KSR1: variants seen among roughly 807,000 people sequenced by gnomAD.
KSR1 encodes kinase suppressor of ras 1.
KSR1 carries 35 observed loss-of-function variants against 92.9 expected under a neutral mutation model. That is an observed-to-expected ratio of 0.38 (90% confidence interval 0.29 to 0.50). The LOEUF (loss-of-function observed/expected upper bound fraction) is 0.50. Among genes scored for constraint, KSR1 ranks in the 20% least tolerant of loss-of-function variants. The pLI, the probability that KSR1 is intolerant of heterozygous loss-of-function variation, is 0.94. For synonymous variants in KSR1, 467 were observed against 472.6 expected (o/e 0.99, Z 0.15); for missense variants, 972 against 1,158.5 (o/e 0.84, Z 2.34).
chr17:27,579,911 A>AAAG (rs35343726), intron 3 of KSR1: 1 of 149,294 alleles, frequency 6.7e-6, no homozygotes, highest in Non-Finnish European at 1.5e-5. Context: ...AAAAAAAAAA[A>AAAG]GTGAGTGAAG....
chr17:27,541,155 A>G lies in KSR1; in HGVS notation c.232-9413A>G, dbSNP rs771287217. On this transcript the variant is annotated intron_variant, in intron 1 of 20. Coordinates refer to ENST00000644974, the MANE Select transcript of KSR1 (RefSeq NM_001394583.1). ...GCAAAGACTGCTGTGGGCACCACGT[A>G]AGAGTCTGGTGCTGCCTACTGAGGA... Among the ~76,000 whole-genome samples, 60 of 152,328 alleles carry G rather than the reference A, an allele frequency of 3.9e-4. No individual in the cohort carries two copies. In the South Asian group the frequency reaches 6.0e-3, roughly 15 times the overall value.
chr17:27,517,525 A>G (rs1215181142), intron 1 of KSR1, among the ~76,000 whole-genome samples: 1 of 152,174 alleles, frequency 6.6e-6, no homozygotes, highest in Non-Finnish European at 1.5e-5. Context: ...CCTGATTCTG[A>G]GCTCAAGCAA....
intron 1 of KSR1, among the ~76,000 whole-genome samples, chr17:27,518,538 C>T (rs1399152761): frequency 6.6e-6 from 1 of 152,204 alleles, no homozygotes; most frequent in East Asian, 1.9e-4. Flanking sequence ...CATTCATCAT[C>T]TGAGTGCCCC....
chr17:27,518,078 T>A (rs2151015030), intron 1 of KSR1, among the ~76,000 whole-genome samples: 1 of 152,286 alleles, frequency 6.6e-6, no homozygotes, highest in East Asian at 1.9e-4. Context: ...TCTCAGTGAG[T>A]GAAGACTTAA....
chr17:27,510,418 G>C (rs150901970), intron 1 of KSR1, among the ~76,000 whole-genome samples: 1 of 152,218 alleles, frequency 6.6e-6, no homozygotes, highest in Admixed American at 6.5e-5. Context: ...GTGAGTAGAC[G>C]TAAAAAGGCT....
intron 3 of KSR1, 38 bp from the exon 4 acceptor site, chr17:27,582,608 A>G: frequency 6.4e-7 from 1 of 1,561,140 alleles, no homozygotes; most frequent in South Asian, 1.2e-5. Context: ...AATTCCTTCC[A>G]GCCCTGACCA....
At chr17:27,621,320 C>G in intron 20 of KSR1, 47 bp downstream of exon 20, 1 of 398,668 alleles carries the variant, frequency 2.5e-6, no homozygotes, top group Non-Finnish European at 4.4e-6. Context: ...TCTGGTTTTC[C>G]TGACACAAGC....
At chr17:27,573,053 G>A (rs948573445) in intron 2 of KSR1, among the ~76,000 whole-genome samples, 12 of 152,148 alleles carry the variant, frequency 7.9e-5, no homozygotes, top group African/African-American at 1.9e-4. Context: ...ATCCTCCCCC[G>A]TTTGCCTACA....
At chr17:27,606,684 G>A (rs2073763847) in intron 14 of KSR1, among the ~76,000 whole-genome samples, 1 of 151,486 alleles carries the variant, frequency 6.6e-6, no homozygotes, top group Non-Finnish European at 1.5e-5. Context: ...GTCAATTTCA[G>A]ACTACCAATG....
At chr17:27,589,325 C>T (rs1420526242) in intron 6 of KSR1, among the ~76,000 whole-genome samples, 1 of 152,204 alleles carries the variant, frequency 6.6e-6, no homozygotes, top group Non-Finnish European at 1.5e-5. Context: ...AGTCTGTTCT[C>T]TTTCCCTTGT....
intron 1 of KSR1, among the ~76,000 whole-genome samples, chr17:27,474,551 A>C: frequency 6.6e-6 from 1 of 152,200 alleles, no homozygotes; most frequent in East Asian, 1.9e-4. Context: ...TCATCTGTGA[A>C]ATGGGGATTA....
chr17:27,610,142 C>T lies in KSR1; in HGVS notation c.2301C>T (p.Pro767=), dbSNP rs376119829. Residue 767 remains proline, a synonymous_variant, in exon 17 of 21, where the codon CCC becomes CCT. Coordinates refer to ENST00000644974, the MANE Select transcript of KSR1 (RefSeq NM_001394583.1). ...LAPEIVREMT[P]GKDEDQLPFS... is the part of the protein sequence containing the mutation. Reference sequence around the variant, plus strand: ...CTGAGATTGTACGCGAGATGACCCCCGGGAAGGACGAGGATCAGCTGCCAT... The same window carrying T: ...CTGAGATTGTACGCGAGATGACCCCTGGGAAGGACGAGGATCAGCTGCCAT... 17 of 1,613,888 alleles carry T rather than the reference C, an allele frequency of 1.1e-5. No homozygotes were observed. The highest frequency in any genetic ancestry group is 1.6e-4 in the Middle Eastern group (1 of 6,084).
intron 1 of KSR1, among the ~76,000 whole-genome samples, chr17:27,473,670 C>T (rs577798297): frequency 5.1e-4 from 78 of 152,170 alleles, no homozygotes; most frequent in African/African-American, 1.5e-3. Flanking sequence ...ATAGGCACAG[C>T]GGTATTTTAA....
At chr17:27,582,187 G>C (rs1294932902) in intron 3 of KSR1, among the ~76,000 whole-genome samples, 1 of 152,080 alleles carries the variant, frequency 6.6e-6, no homozygotes, top group Non-Finnish European at 1.5e-5. Context: ...TTCCTCCTCT[G>C]TAAAACAGAG....
In KSR1 at chr17:27,583,034, C is replaced by T; in HGVS notation, c.909C>T (p.Phe303=). The T allele has an allele frequency of 6.2e-7, 1 of 1,606,608 alleles. No homozygotes were observed. Among genetic ancestry groups the T allele is most frequent in the South Asian group, 1.1e-5 (1 of 89,924 alleles). ...SRKVFQLLPS[F]PTLTRSKSHE... Reference sequence around the variant, plus strand: ...AGGTCTTCCAGCTGCTGCCCAGCTTCCCCACACTCACCCGGAGCAAGTCCC... The same window carrying T: ...AGGTCTTCCAGCTGCTGCCCAGCTTTCCCACACTCACCCGGAGCAAGTCCC... Residue 303 remains phenylalanine, a synonymous_variant, in exon 4 of 21, where the codon TTC becomes TTT. Transcript: ENST00000644974.
intron 2 of KSR1, among the ~76,000 whole-genome samples, chr17:27,562,099 G>A: frequency 6.6e-6 from 1 of 152,120 alleles, no homozygotes; most frequent in South Asian, 2.1e-4. Flanking sequence ...GCCCGCCATG[G>A]CCTCCCAAAG....
chr17:27,503,036 T>C (rs530338185), intron 1 of KSR1, among the ~76,000 whole-genome samples: 328 of 152,354 alleles, frequency 2.2e-3, no homozygotes, highest in Middle Eastern at 3.4e-3. Flanking sequence ...GCCTGTTGAA[T>C]CCTCACAACG....
At chr17:27,547,716 C>CT (rs1287644532) in intron 1 of KSR1, among the ~76,000 whole-genome samples, 23 of 152,028 alleles carry the variant, frequency 1.5e-4, no homozygotes, top group Non-Finnish European at 2.8e-4. Context: ...ATATATTTTT[C>CT]TTTTTTTTCT....
intron 1 of KSR1, among the ~76,000 whole-genome samples, chr17:27,548,648 G>A (rs1326812931): frequency 6.6e-6 from 1 of 152,156 alleles, no homozygotes; most frequent in Non-Finnish European, 1.5e-5. Context: ...TGTCCAACAT[G>A]GCGAAAACCC....
Sources: allele counts gnomAD v4.1 joint callset (sites outside exome capture counted in the v4.1 genomes callset), GRCh38; gene constraint gnomAD v4.1.1; transcripts MANE v1.5; gene names NCBI Gene and HGNC (gene_info 2026-07-23, HGNC 2026-07-21).